NIBAN1: variants seen among roughly 807,000 people sequenced by gnomAD.
The protein encoded by NIBAN1 is niban apoptosis regulator 1.
In NIBAN1, 81 loss-of-function variants were observed where a neutral mutation model predicts 75.1. The observed-to-expected ratio is 1.08, with a 90% CI of 0.90 to 1.30. The LOEUF is 1.30. Ranked by LOEUF, NIBAN1 falls within the 50% of genes most tolerant of loss-of-function variation. NIBAN1 has a pLI of 0.00. For synonymous variants in NIBAN1, 436 were observed against 424.8 expected, an observed-to-expected ratio of 1.03 and a Z score of -0.32; for missense variants, 1,133 against 1,128.1, an observed-to-expected ratio of 1.00 and a Z score of -0.06.
At chr1:184,932,919 C>A (rs554946749) in intron 1 of NIBAN1, among the ~76,000 whole-genome samples, 10 of 152,044 alleles carry the variant, frequency 6.6e-5, no homozygotes, top group African/African-American at 2.4e-4. Flanking sequence ...ACCCTTCTGA[C>A]AAAAAAGAGA....
At chr1:184,900,357 A>C (rs776676177) in intron 1 of NIBAN1, among the ~76,000 whole-genome samples, 8 of 152,224 alleles carry the variant, frequency 5.3e-5, no homozygotes, top group Non-Finnish European at 1.2e-4. Flanking sequence ...GTACAACCTC[A>C]GTCAAGTCAT....
At chr1:184,924,291 A>G (rs957084433) in intron 1 of NIBAN1, among the ~76,000 whole-genome samples, 1 of 152,208 alleles carries the variant, frequency 6.6e-6, no homozygotes, top group African/African-American at 2.4e-5. Context: ...TTCAGCATCA[A>G]TTGAAATGAT....
At chr1:184,823,559 C>A in intron 7 of NIBAN1, 79 bp downstream of exon 7, 2 of 1,498,896 alleles carry the variant, frequency 1.3e-6, no homozygotes, top group Non-Finnish European at 1.8e-6. Flanking sequence ...TCAACAACAA[C>A]AACAAATGCC....
intron 5 of NIBAN1, among the ~76,000 whole-genome samples, chr1:184,869,907 A>G (rs944121312): frequency 2.0e-5 from 3 of 152,204 alleles, no homozygotes; most frequent in African/African-American, 7.2e-5. Context: ...ATATTATAAA[A>G]ATCATGAATC....
chr1:184,792,602 C>T lies in NIBAN1; in HGVS notation c.*2375G>A, dbSNP rs547461740. On this transcript the variant is annotated 3_prime_UTR_variant, in exon 14 of 14. Transcript: ENST00000367511. ...CTGGGCAGTGCATCTGGCCATCTGCCCCTTGGACTTTGGACTTTACTTAAG... is the reference window on the plus strand; with the variant it reads ...CTGGGCAGTGCATCTGGCCATCTGCTCCTTGGACTTTGGACTTTACTTAAG... 1 of 152,694 alleles carries T rather than the reference C, an allele frequency of 6.5e-6. No homozygotes were observed. Among genetic ancestry groups the T allele is most frequent in the Non-Finnish European group, 1.5e-5 (1 of 68,060 alleles). The allele number at this position is 152,694 out of a possible 1,614,324, so 9.5% of individuals were successfully genotyped here. A position where few individuals can be genotyped will look rare whatever the true frequency, so the allele number is the denominator to read the frequency against.
intron 1 of NIBAN1, among the ~76,000 whole-genome samples, chr1:184,949,613 C>T (rs982642802): frequency 1.3e-5 from 2 of 152,214 alleles, no homozygotes; most frequent in African/African-American, 4.8e-5. Context: ...CATTGAGTCA[C>T]ATGGCTACCC....
At chr1:184,912,391 G>A (rs551891168) in intron 1 of NIBAN1, among the ~76,000 whole-genome samples, 1 of 152,198 alleles carries the variant, frequency 6.6e-6, no homozygotes, top group South Asian at 2.1e-4. Flanking sequence ...AGGTCAAAGG[G>A]TGAGCATCTT....
intron 1 of NIBAN1, among the ~76,000 whole-genome samples, chr1:184,967,217 CTCTG>C (rs1252540050): frequency 6.6e-6 from 1 of 150,790 alleles, no homozygotes; most frequent in African/African-American, 2.5e-5. Flanking sequence ...CTCTCTCTCT[CTCTG>C]TGTGTGTGTG....
At chr1:184,968,566 C>A (rs890823040) in intron 1 of NIBAN1, among the ~76,000 whole-genome samples, 2 of 152,182 alleles carry the variant, frequency 1.3e-5, no homozygotes, top group African/African-American at 4.8e-5. Context: ...CTTACAAAAG[C>A]CTATTCATGT....
At chr1:184,911,807 G>A (rs982635479) in intron 1 of NIBAN1, among the ~76,000 whole-genome samples, 6 of 152,284 alleles carry the variant, frequency 3.9e-5, no homozygotes, top group South Asian at 4.1e-4. Flanking sequence ...TTTGGTGTAC[G>A]TGCATGTTTT....
chr1:184,862,145 T>C (rs1371157349), intron 5 of NIBAN1, among the ~76,000 whole-genome samples: 1 of 152,012 alleles, frequency 6.6e-6, no homozygotes. Flanking sequence ...CCGCAGACCT[T>C]CCCTGGCACC....
rs1407332436 is a variant in NIBAN1, at chr1:184,845,905, G to A, written c.602-13943C>T. Among the ~76,000 whole-genome samples the A allele has an allele frequency of 4.9e-5, 4 of 81,988 alleles. No individual in the cohort carries two copies. The South Asian group carries it at 1.1e-3, about 22-fold the overall frequency. 53.8% of individuals were successfully genotyped at this position (81,988 alleles called of 152,430 possible). On this transcript the variant is annotated intron_variant, in intron 5 of 13. Transcript: ENST00000367511. ...CGGGTCACTCCCACCCGAATATTGC[G>A]CTTTTCAGACCAGCTTAAGAAACGG...
intron 12 of NIBAN1, among the ~76,000 whole-genome samples, chr1:184,800,982 T>C (rs1299418096): frequency 6.6e-6 from 1 of 152,152 alleles, no homozygotes; most frequent in Non-Finnish European, 1.5e-5. Context: ...CTCTCTCTCC[T>C]TTCCAAGGGT....
intron 5 of NIBAN1, among the ~76,000 whole-genome samples, chr1:184,858,077 C>T (rs78326823): frequency 5.9e-5 from 9 of 152,072 alleles, no homozygotes; most frequent in East Asian, 1.9e-4. Flanking sequence ...AAAATAGACA[C>T]CTTTGCATGG....
chr1:184,960,236 T>G (rs1658595246), intron 1 of NIBAN1, among the ~76,000 whole-genome samples: 1 of 152,174 alleles, frequency 6.6e-6, no homozygotes, highest in Non-Finnish European at 1.5e-5. Context: ...AAATAAGAAT[T>G]TTAGATCTTA....
At chr1:184,902,840 T>C (rs1656987167) in intron 1 of NIBAN1, among the ~76,000 whole-genome samples, 1 of 152,172 alleles carries the variant, frequency 6.6e-6, no homozygotes, top group Non-Finnish European at 1.5e-5. Flanking sequence ...ACCTGCAAAA[T>C]GAGGATAATA....
At chr1:184,937,401 C>T (rs1020971992) in intron 1 of NIBAN1, among the ~76,000 whole-genome samples, 1 of 152,044 alleles carries the variant, frequency 6.6e-6, no homozygotes, top group African/African-American at 2.4e-5. Flanking sequence ...CCACTAGAAC[C>T]CTTCCACTCC....
At chr1:184,967,555 C>T (rs866586544) in intron 1 of NIBAN1, among the ~76,000 whole-genome samples, 2 of 152,162 alleles carry the variant, frequency 1.3e-5, no homozygotes, top group African/African-American at 4.8e-5. Context: ...AAATTGGGCT[C>T]CTGCTATTGC....
chr1:184,856,778 C>T (rs1011229230), intron 5 of NIBAN1, among the ~76,000 whole-genome samples: 16 of 152,210 alleles, frequency 1.1e-4, no homozygotes, highest in Admixed American at 9.8e-4. Flanking sequence ...GCACTCTGAA[C>T]AATCACAAGG....
Sources: allele counts gnomAD v4.1 joint callset (sites outside exome capture counted in the v4.1 genomes callset), GRCh38; gene constraint gnomAD v4.1.1; transcripts MANE v1.5; gene names NCBI Gene and HGNC (gene_info 2026-07-23, HGNC 2026-07-21).